PTPRN2: variants seen among roughly 807,000 people sequenced by gnomAD.
PTPRN2 encodes the protein receptor-type tyrosine-protein phosphatase N2.
A neutral mutation model predicts 118.8 loss-of-function variants in PTPRN2; 74 were observed. The observed-to-expected ratio is 0.62, with a 90% CI of 0.52 to 0.76. The LOEUF is 0.76. Among genes scored for constraint, PTPRN2 ranks in the 30% least tolerant of loss-of-function variants. The pLI, the probability that PTPRN2 is intolerant of heterozygous loss-of-function variation, is 0.00. For synonymous variants in PTPRN2, 641 were observed against 608.0 expected, an observed-to-expected ratio of 1.05 and a Z score of -0.80; for missense variants, 1,481 against 1,394.4, an observed-to-expected ratio of 1.06 and a Z score of -0.99.
intron 11 of PTPRN2, among the ~76,000 whole-genome samples, chr7:158,016,276 G>T (rs971882326): frequency 6.6e-6 from 1 of 152,200 alleles, no homozygotes; most frequent in Non-Finnish European, 1.5e-5. Flanking sequence ...CACTTCACAA[G>T]CCACAGATGC....
At chr7:157,925,975 TTTG>T (rs1798961739) in intron 11 of PTPRN2, among the ~76,000 whole-genome samples, 1 of 152,004 alleles carries the variant, frequency 6.6e-6, no homozygotes, top group African/African-American at 2.4e-5. Flanking sequence ...ATTTTATGGT[TTTG>T]TTATCATTTT....
intron 2 of PTPRN2, among the ~76,000 whole-genome samples, chr7:158,486,496 T>G (rs1563348001): frequency 1.3e-5 from 2 of 152,250 alleles, no homozygotes; most frequent in South Asian, 4.1e-4. Context: ...TGTAACAGCA[T>G]CTAAACTCTC....
intron 6 of PTPRN2, among the ~76,000 whole-genome samples, chr7:158,144,507 C>T (rs985319067): frequency 6.6e-6 from 1 of 152,160 alleles, no homozygotes; most frequent in African/African-American, 2.4e-5. Flanking sequence ...GGCATGGTGT[C>T]AGGCGCCTGT....
intron 11 of PTPRN2, among the ~76,000 whole-genome samples, chr7:157,940,681 C>T (rs1484841386): frequency 4.1e-5 from 6 of 146,424 alleles, no homozygotes; most frequent in Admixed American, 1.4e-4. Flanking sequence ...ACACTCTCCC[C>T]GAAGACACTG....
At chr7:157,734,624 C>T (rs1800193113) in intron 12 of PTPRN2, among the ~76,000 whole-genome samples, 1 of 152,240 alleles carries the variant, frequency 6.6e-6, no homozygotes, top group Non-Finnish European at 1.5e-5. Context: ...AGCCGAGACG[C>T]CCCAAATAAA....
chr7:158,518,464 G>A (rs2129447526), intron 1 of PTPRN2, among the ~76,000 whole-genome samples: 1 of 152,304 alleles, frequency 6.6e-6, no homozygotes, highest in East Asian at 1.9e-4. Flanking sequence ...AGCCAGAAGT[G>A]AAGAAAATGC....
In PTPRN2 at chr7:157,620,273, C is replaced by G. The variant is rs185912872; in HGVS notation, c.2344+1089G>C. On this transcript the variant is annotated intron_variant, in intron 15 of 22. Transcript: ENST00000389418. Reference sequence around the variant, plus strand: ...ACATAGAGGATGAGTGAGGTGGACGCCAGCGCCGGGCAGTCCTTGCCCTCC... The same window carrying G: ...ACATAGAGGATGAGTGAGGTGGACGGCAGCGCCGGGCAGTCCTTGCCCTCC... Among the ~76,000 whole-genome samples, 12 of 152,242 alleles carry G rather than the reference C, an allele frequency of 7.9e-5. No homozygotes were observed. In the East Asian group the frequency reaches 2.3e-3, roughly 29 times the overall value.
At chr7:158,173,460 G>T (rs529735444) in intron 5 of PTPRN2, among the ~76,000 whole-genome samples, 1 of 152,310 alleles carries the variant, frequency 6.6e-6, no homozygotes, top group East Asian at 1.9e-4. Context: ...CAAATAGGGA[G>T]TAGGTCACAG....
chr7:158,138,106 T>A (rs1004251345), intron 7 of PTPRN2, among the ~76,000 whole-genome samples, 188 bp downstream of exon 7: 4 of 152,208 alleles, frequency 2.6e-5, no homozygotes, highest in African/African-American at 4.8e-5. Context: ...ATTGCTCTGG[T>A]AGGCTTAGTC....
rs984033617 is a variant in PTPRN2 at position 157,944,893 on chromosome 7, C to T, written c.1724-46156G>A. On this transcript the variant is annotated intron_variant, in intron 11 of 22. Coordinates refer to ENST00000389418, the MANE Select transcript of PTPRN2 (RefSeq NM_002847.5). This position sits in a 1 kb window ranked among gnomAD's most constrained non-coding sequence, Gnocchi z 4.3. ...AGACTACACAGTCCACAGTCCACAACTCCTGAATCCTGCCTAGTATTTATA... is the reference window on the plus strand; with the variant it reads ...AGACTACACAGTCCACAGTCCACAATTCCTGAATCCTGCCTAGTATTTATA... Among the ~76,000 whole-genome samples, 1 of 152,234 alleles carries T rather than the reference C, an allele frequency of 6.6e-6. No individual in the cohort carries two copies. The highest frequency in any genetic ancestry group is 1.5e-5 in the Non-Finnish European group (1 of 68,040).
chr7:158,315,706 G>T (rs1191624775), intron 3 of PTPRN2, among the ~76,000 whole-genome samples: 1 of 152,266 alleles, frequency 6.6e-6, no homozygotes, highest in Admixed American at 6.5e-5. Flanking sequence ...GAGGGCCAGG[G>T]ACTCGGAGAG....
intron 5 of PTPRN2, among the ~76,000 whole-genome samples, chr7:158,174,342 TCACCATCATCATCC>T (rs1283140225): frequency 3.3e-5 from 5 of 151,194 alleles, no homozygotes. Context: ...ACCATCATCT[TCACCATCATCATCC>T]CACCATCCAC....
intron 2 of PTPRN2, among the ~76,000 whole-genome samples, chr7:158,324,302 C>A (rs73746496): frequency 0.065 from 9,936 of 152,208 alleles, 1,104 homozygotes; most frequent in African/African-American, 0.22. Flanking sequence ...AGTGCCTTGC[C>A]CCCGGTGTGG....
At chr7:158,284,178 G>A (rs1799619277) in intron 3 of PTPRN2, among the ~76,000 whole-genome samples, 1 of 152,228 alleles carries the variant, frequency 6.6e-6, no homozygotes, top group South Asian at 2.1e-4. Context: ...TGCAATCCAA[G>A]TGTGCACCGG....
chr7:157,626,500 A>C (rs552651205), intron 14 of PTPRN2, among the ~76,000 whole-genome samples: 2 of 152,156 alleles, frequency 1.3e-5, no homozygotes, highest in African/African-American at 4.8e-5. Context: ...CGGTCAGGAC[A>C]TGCCCATTAC....
chr7:158,206,638 T>C (rs1827176434), intron 3 of PTPRN2, among the ~76,000 whole-genome samples: 1 of 151,974 alleles, frequency 6.6e-6, no homozygotes, highest in Non-Finnish European at 1.5e-5. Flanking sequence ...TGCCTGGTAA[T>C]CCACAAAATT....
chr7:158,500,201 G>A (rs1271107832), intron 1 of PTPRN2, among the ~76,000 whole-genome samples: 1 of 152,174 alleles, frequency 6.6e-6, no homozygotes, highest in Non-Finnish European at 1.5e-5. Context: ...AGATCCAATT[G>A]TTACTACAGT....
chr7:158,133,610 C>A, intron 9 of PTPRN2, 67 bp downstream of exon 9: 1 of 1,500,622 alleles, frequency 6.7e-7, no homozygotes, highest in East Asian at 2.3e-5. Flanking sequence ...AGGAGGCGCC[C>A]CACCTCCAGC....
intron 6 of PTPRN2, among the ~76,000 whole-genome samples, chr7:158,156,516 G>A (rs1563531170): frequency 6.6e-6 from 1 of 152,192 alleles, no homozygotes; most frequent in East Asian, 1.9e-4. Flanking sequence ...GAGCTAAGCC[G>A]ACATCTGCAG....
Sources: allele counts gnomAD v4.1 joint callset (sites outside exome capture counted in the v4.1 genomes callset), GRCh38; gene constraint gnomAD v4.1.1; non-coding constraint Gnocchi (gnomAD v3.1); transcripts MANE v1.5; gene names NCBI Gene and HGNC (gene_info 2026-07-23, HGNC 2026-07-21).